Variants in MED23 observed in about 807,000 individuals in gnomAD.
MED23 encodes mediator of RNA polymerase II transcription subunit 23.
In MED23, 105 loss-of-function variants were observed where a neutral mutation model predicts 163.9. The observed-to-expected ratio is 0.64, with a 90% CI of 0.55 to 0.75. The LOEUF (loss-of-function observed/expected upper bound fraction) is 0.75, where lower values mean the gene tolerates loss of function less well. Ranked by LOEUF, MED23 falls within the 30% of genes least tolerant of loss-of-function variation. The pLI, the probability that MED23 is intolerant of heterozygous loss-of-function variation, is 0.00. For synonymous variants in MED23, 561 were observed against 565.6 expected (o/e 0.99, Z 0.12); for missense variants, 1,054 against 1,649.0 (o/e 0.64, Z 6.25).
At position 131,593,156 on chromosome 6, in the gene MED23, G is replaced by A; in HGVS notation, c.3248C>T (p.Ser1083Phe). ...GRLVDTMAGK[S>F]PGPFPNCDWR... is the part of the protein sequence containing the mutation. ...GTCACAGTTTGGAAAGGGACCAGGAGATTTGCCAGCCATCGGTGCACACAG... is the reference window on the plus strand; with the variant it reads ...GTCACAGTTTGGAAAGGGACCAGGAAATTTGCCAGCCATCGGTGCACACAG... Residue 1083 changes from serine (S) to phenylalanine (F), a missense_variant, in exon 24 of 29, where the codon TCT (serine) becomes TTT (phenylalanine). Physicochemically the swap from Ser to Phe is radical, Grantham distance 155 (BLOSUM62 -2). Coordinates refer to ENST00000368068, the MANE Select transcript of MED23 (RefSeq NM_004830.4). 2.5e-6 allele frequency: 4 copies of A among 1,614,176 alleles called. No individual in the cohort carries two copies. Among genetic ancestry groups the A allele is most frequent in the Non-Finnish European group, 3.4e-6 (4 of 1,180,018 alleles).
intron 30 of MED23, among the ~76,000 whole-genome samples, chr6:131,574,600 AAG>A (rs1773523937): frequency 6.6e-6 from 1 of 152,176 alleles, no homozygotes; most frequent in Non-Finnish European, 1.5e-5. Context: ...TGTAAGGACT[AAG>A]AGAGAGAGAT....
At chr6:131,583,661 G>A, downstream of MED23, 5 of 1,543,898 alleles carry the variant, frequency 3.2e-6, no homozygotes, top group Non-Finnish European at 4.4e-6. Context: ...TCTGTTAGTG[G>A]ATAATCTTTC....
intron 30 of MED23, chr6:131,576,871 T>C (rs1460637701): frequency 1.3e-6 from 1 of 761,604 alleles, no homozygotes; most frequent in Non-Finnish European, 2.3e-6. Flanking sequence ...GAGAAACACA[T>C]CCTACAAAAG....
chr6:131,594,775 GAAAC>G (rs1774917574), intron 22 of MED23, among the ~76,000 whole-genome samples: 1 of 151,928 alleles, frequency 6.6e-6, no homozygotes, highest in African/African-American at 2.4e-5. Flanking sequence ...TGATAAAGTT[GAAAC>G]AAACAGGGTA....
In MED23 at chr6:131,587,068, C is replaced by T. The variant is rs1212337839; in HGVS notation, c.*611G>A. 3 of 1,357,106 alleles carry T rather than the reference C, an allele frequency of 2.2e-6. No homozygotes were observed. The allele number at this position is 1,357,106 out of a possible 1,614,324, so 84.1% of individuals were successfully genotyped here. A position where few individuals can be genotyped will look rare whatever the true frequency, so the allele number is the denominator to read the frequency against. ...TCCAACTAATTTTATACAGTAAGTT[C>T]AAGTCCATAGCAAAGGTAATAAAAC... On this transcript the variant is annotated 3_prime_UTR_variant, in exon 29 of 29. Coordinates refer to ENST00000368068, the MANE Select transcript of MED23 (RefSeq NM_004830.4).
Position 131,596,046 on chromosome 6 carries a change from C to T in MED23, c.2896G>A (p.Val966Ile). ...FGNVCLRFLPVFDIVIHRFLE... is the reference protein window; with the variant it reads ...FGNVCLRFLPIFDIVIHRFLE... ...AATCTGTGGATTACTATATCAAATA[C>T]TGGAAGGAATCGAAGACACACATTC... The change falls in exon 22 of 29, where the codon GTA (valine) becomes ATA (isoleucine). Residue 966 changes from valine (V) to isoleucine (I), a missense_variant. Coordinates refer to ENST00000368068, the MANE Select transcript of MED23 (RefSeq NM_004830.4). 3 of 1,613,996 alleles carry T rather than the reference C, an allele frequency of 1.9e-6. No homozygotes were observed. The highest frequency in any genetic ancestry group is 2.5e-6 in the Non-Finnish European group (3 of 1,179,940).
At chr6:131,582,015 A>G (rs1413250275), downstream of MED23, among the ~76,000 whole-genome samples, 1 of 152,198 alleles carries the variant, frequency 6.6e-6, no homozygotes, top group Non-Finnish European at 1.5e-5. Flanking sequence ...TTGATATGCC[A>G]TAGTATATCA....
chr6:131,598,528 T>A lies in MED23; in HGVS notation c.2426+28A>T. On this transcript the variant is annotated intron_variant, in intron 19 of 28. Coordinates refer to ENST00000368068, the MANE Select transcript of MED23 (RefSeq NM_004830.4). This position sits in a 1 kb window ranked among gnomAD's most constrained non-coding sequence, Gnocchi z 4.7. ...TGTATGGATACAACAATTTGCCAAA[T>A]GGAATGCAAATTAGGTTTTTGACTT... The A allele has an allele frequency of 1.2e-6, 2 of 1,613,462 alleles. No individual in the cohort carries two copies. The highest frequency in any genetic ancestry group is 1.7e-6 in the Non-Finnish European group (2 of 1,179,452).
chr6:131,606,351 T>A, intron 13 of MED23, 128 bp downstream of exon 13: 1 of 850,418 alleles, frequency 1.2e-6, no homozygotes, highest in Non-Finnish European at 1.9e-6. Context: ...ATACATCAAG[T>A]ATTTGCCCTT....
chr6:131,619,746 G>A (rs1417080850), intron 8 of MED23, 81 bp downstream of exon 8: 6 of 1,073,522 alleles, frequency 5.6e-6, no homozygotes, highest in Non-Finnish European at 8.6e-6. Context: ...CACATATTAA[G>A]AGAACATCCC....
intron 26 of MED23, among the ~76,000 whole-genome samples, 168 bp downstream of exon 26, chr6:131,591,145 A>G (rs532813699): frequency 6.1e-4 from 91 of 149,584 alleles, no homozygotes; most frequent in African/African-American, 2.1e-3. Context: ...ATGCCCAGCT[A>G]ATTTTTGTAT....
Position 131,587,118 on chromosome 6 carries a change from A to G in MED23, c.*561T>C. 1.6e-6 allele frequency: 2 copies of G among 1,247,732 alleles called. No individual in the cohort carries two copies. The highest frequency in any genetic ancestry group is 2.0e-6 in the Non-Finnish European group (2 of 987,308). 77.3% of individuals were successfully genotyped at this position (1,247,732 alleles called of 1,614,324 possible). ...CTGCCAGTTGACCTTGATAGAAACT[A>G]TGGAAATTTATAATAAAATTTCAAG... is the stretch of plus-strand genomic sequence containing the variant. On this transcript the variant is annotated 3_prime_UTR_variant, in exon 29 of 29. Coordinates refer to ENST00000368068, the MANE Select transcript of MED23 (RefSeq NM_004830.4).
intron 28 of MED23, among the ~76,000 whole-genome samples, chr6:131,589,003 A>G (rs1774384357): frequency 6.6e-6 from 1 of 152,046 alleles, no homozygotes; most frequent in African/African-American, 2.4e-5. Flanking sequence ...ATATTCTCTA[A>G]ATGCTTTTCA....
In MED23 at chr6:131,605,305, A is replaced by G; in HGVS notation, c.1548T>C (p.Ala516=). The change falls in exon 14 of 29, where the codon GCT becomes GCC. Residue 516 remains alanine (A), a synonymous_variant. Transcript: ENST00000368068. The stretch of plus-strand genomic sequence containing the variant: ...TAGGTAAGGGGGTAATAGATCCTGA[A>G]GCCATACAGTTTGTTCCAGGGAGAG... ...RIPLPGTNCM[A]SGSITPLPMN... is the part of the protein sequence containing the mutation. 6.2e-7 allele frequency: 1 copy of G among 1,613,440 alleles called. No homozygotes were observed. Among genetic ancestry groups the G allele is most frequent in the Non-Finnish European group, 8.5e-7 (1 of 1,179,518 alleles).
At chr6:131,596,413 A>C in intron 21 of MED23, 105 bp downstream of exon 21, 2 of 1,300,276 alleles carry the variant, frequency 1.5e-6, no homozygotes, top group Non-Finnish European at 2.2e-6. Context: ...CTATATAGAC[A>C]AGAGAAAAAA....
At chr6:131,596,776 T>G in intron 20 of MED23, 88 bp from the exon 21 acceptor site, 1 of 1,251,890 alleles carries the variant, frequency 8.0e-7, no homozygotes, top group African/African-American at 1.5e-5. Flanking sequence ...TTTAACAAAG[T>G]AAAATCTCAC....
intron 30 of MED23, among the ~76,000 whole-genome samples, chr6:131,576,888 G>A (rs1017875313): frequency 6.6e-6 from 1 of 152,072 alleles, no homozygotes; most frequent in African/African-American, 2.4e-5. Flanking sequence ...AAAGCAGCAG[G>A]GCATGGGGAG....
intron 23 of MED23, among the ~76,000 whole-genome samples, chr6:131,593,760 C>T (rs369003913): frequency 2.0e-5 from 3 of 151,998 alleles, no homozygotes; most frequent in African/African-American, 4.8e-5. Flanking sequence ...CAAGATCCTA[C>T]GTTCTCCAGT....
At chr6:131,595,895 C>A in intron 22 of MED23, 52 bp downstream of exon 22, 1 of 1,364,238 alleles carries the variant, frequency 7.3e-7, no homozygotes. Flanking sequence ...CCTGCCCATC[C>A]TACTTTTGAT....
Sources: gnomAD v4.1 joint callset for allele counts (sites outside exome capture counted in the v4.1 genomes callset) on GRCh38, gnomAD v4.1.1 for gene constraint, Gnocchi (gnomAD v3.1) non-coding constraint, MANE v1.5 for transcripts, NCBI Gene and HGNC (gene_info 2026-07-23, HGNC 2026-07-21) for gene names.